TRIM27: variants seen among roughly 807,000 people sequenced by gnomAD.
TRIM27 encodes tripartite motif containing 27.
A neutral mutation model predicts 57.6 loss-of-function variants in TRIM27; 12 were observed. The ratio of observed to expected loss-of-function variants is 0.21; its 90% CI spans 0.13 to 0.34. The LOEUF is 0.34. Among genes scored for constraint, TRIM27 ranks in the 10% least tolerant of loss-of-function variants. The pLI is 1.00. For synonymous variants in TRIM27, 266 were observed against 259.0 expected (o/e 1.03, Z -0.26); for missense variants, 403 against 656.8 (o/e 0.61, Z 4.22).
chr6:28,918,561 A>T (rs910084606), intron 3 of TRIM27, among the ~76,000 whole-genome samples: 3 of 151,954 alleles, frequency 2.0e-5, no homozygotes, highest in African/African-American at 7.3e-5. Flanking sequence ...AAAGAAATAC[A>T]TTTTTCTGAT....
intron 1 of TRIM27, 72 bp from the exon 2 acceptor site, chr6:28,922,059 C>T (rs971489687): frequency 9.7e-6 from 11 of 1,136,412 alleles, no homozygotes; most frequent in Middle Eastern, 1.9e-4. Flanking sequence ...CTTCTTATCA[C>T]ACATGGAGTC....
In TRIM27 at chr6:28,904,013, G is replaced by T; in HGVS notation, c.*57C>A. 7.0e-7 allele frequency: 1 copy of T among 1,436,464 alleles called. No homozygotes were observed. The highest frequency in any genetic ancestry group is 9.6e-7 in the Non-Finnish European group (1 of 1,038,006). 89.0% of individuals were successfully genotyped at this position (1,436,464 alleles called of 1,614,324 possible). A position where few individuals can be genotyped will look rare whatever the true frequency, so the allele number is the denominator to read the frequency against. ...ACAGGACGTGGCAAGGCAACAAGATGCCTTGTGCCTGGCGTAGGATTACAG... is the reference window on the plus strand; with the variant it reads ...ACAGGACGTGGCAAGGCAACAAGATTCCTTGTGCCTGGCGTAGGATTACAG... On this transcript the variant is annotated 3_prime_UTR_variant, in exon 8 of 8. Transcript: ENST00000377199. This position sits in a 1 kb window ranked among gnomAD's most constrained non-coding sequence, Gnocchi z 6.1.
intron 2 of TRIM27, among the ~76,000 whole-genome samples, chr6:28,920,624 G>C (rs1773951215): frequency 6.6e-6 from 1 of 152,190 alleles, no homozygotes; most frequent in Admixed American, 6.5e-5. Flanking sequence ...TGAGCGGGAA[G>C]CCTTTCCAGG....
intron 2 of TRIM27, among the ~76,000 whole-genome samples, chr6:28,921,528 A>C (rs1774032910): frequency 6.6e-6 from 1 of 152,222 alleles, no homozygotes; most frequent in South Asian, 2.1e-4. Context: ...GAGAAGCAAC[A>C]GTGGGGATTA....
At chr6:28,915,677 C>T (rs910903843) in intron 3 of TRIM27, 8 of 152,164 alleles carry the variant, frequency 5.3e-5, no homozygotes, top group African/African-American at 1.9e-4. Flanking sequence ...CAAATGGGAA[C>T]CATGCACAGA....
intron 3 of TRIM27, among the ~76,000 whole-genome samples, chr6:28,917,896 G>A (rs981988446): frequency 6.6e-6 from 1 of 150,842 alleles, no homozygotes; most frequent in Non-Finnish European, 1.5e-5. Flanking sequence ...GCGCAATCTC[G>A]GCTCACTGCA....
chr6:28,904,271 G>C lies in TRIM27; in HGVS notation c.1341C>G (p.Val447=), dbSNP rs750122793. 1.2e-6 allele frequency: 2 copies of C among 1,613,136 alleles called. No homozygotes were observed. Among genetic ancestry groups the C allele is most frequent in the East Asian group, 4.5e-5 (2 of 44,876 alleles). ...ACCTCTCTGTCACGTTGTAGAAGGA[G>C]ACCTCACCAGCATCATAGTCCAAGA... is the stretch of plus-strand genomic sequence containing the variant. ...GIFLDYDAGE[V]SFYNVTERCH... is the part of the protein sequence containing the mutation. Residue 447 remains valine, a synonymous_variant, in exon 8 of 8, where the codon GTC becomes GTG. Coordinates refer to ENST00000377199, the MANE Select transcript of TRIM27 (RefSeq NM_006510.5). The surrounding 1 kb of genome is among the most constrained non-coding windows in gnomAD (Gnocchi z 6.1).
At position 28,903,634 on chromosome 6, in the gene TRIM27, G is replaced by A. The variant is rs148223759; in HGVS notation, c.*436C>T. On this transcript the variant is annotated 3_prime_UTR_variant, in exon 8 of 8. Coordinates refer to ENST00000377199, the MANE Select transcript of TRIM27 (RefSeq NM_006510.5). ...GGATAAAGGGAGCCATGCTGACAGG[G>A]CCTTATTCCAGTCTAGGTTGTTAGA... The A allele has an allele frequency of 1.4e-3, 337 of 249,254 alleles. 5 individuals are homozygous for A. Among genetic ancestry groups the A allele is most frequent in the African/African-American group, 6.9e-3 (316 of 45,858 alleles). 15.4% of individuals were successfully genotyped at this position (249,254 alleles called of 1,614,324 possible).
At chr6:28,912,104 TA>T (rs1310766740) in intron 3 of TRIM27, among the ~76,000 whole-genome samples, 2 of 149,474 alleles carry the variant, frequency 1.3e-5, no homozygotes, top group Non-Finnish European at 3.0e-5. Context: ...AACTCCAGTA[TA>T]CTTTTTTTTT....
chr6:28,914,643 G>T (rs963314154), intron 3 of TRIM27: 1 of 150,740 alleles, frequency 6.6e-6, no homozygotes, highest in Middle Eastern at 3.4e-3. Context: ...TGGGTACCTG[G>T]GTGATGGTTA....
At chr6:28,905,567 T>TA (rs1772708135) in intron 7 of TRIM27, 1 of 152,344 alleles carries the variant, frequency 6.6e-6, no homozygotes, top group African/African-American at 2.4e-5. Context: ...TACTTTTTTT[T>TA]ATTTTTTGAG....
chr6:28,903,246 A>T lies in TRIM27; in HGVS notation c.*824T>A, dbSNP rs1772518230. The T allele has an allele frequency of 4.3e-6, 1 of 233,134 alleles. No homozygotes were observed. Among genetic ancestry groups the T allele is most frequent in the Non-Finnish European group, 8.5e-6 (1 of 117,988 alleles). The allele number at this position is 233,134 out of a possible 1,614,324, so 14.4% of individuals were successfully genotyped here. A position where few individuals can be genotyped will look rare whatever the true frequency, so the allele number is the denominator to read the frequency against. On this transcript the variant is annotated 3_prime_UTR_variant, in exon 8 of 8. Transcript: ENST00000377199. ...AGCCAAGAAGTCAATGAATCCCTGG[A>T]ATATTGTCCCAGAATCCTTCCAGGG... is the stretch of plus-strand genomic sequence containing the variant.
intron 3 of TRIM27, among the ~76,000 whole-genome samples, chr6:28,916,431 A>G (rs1039429567): frequency 6.6e-6 from 1 of 152,066 alleles, no homozygotes; most frequent in African/African-American, 2.4e-5. Context: ...GCATGCCTGT[A>G]ATACCAACTA....
At chr6:28,910,129 A>AAAAAAAAAAAAAAAAAAAAAG (rs1562156758) in intron 4 of TRIM27, among the ~76,000 whole-genome samples, 1 of 58,508 alleles carries the variant, frequency 1.7e-5, no homozygotes, top group African/African-American at 1.4e-4. Context: ...AAATGAAAAA[A>AAAAAAAAAAAAAAAAAAAAAG]AAAAAAAAAA....
At chr6:28,905,384 A>T (rs72853516) in intron 7 of TRIM27, 1 of 152,264 alleles carries the variant, frequency 6.6e-6, no homozygotes, top group African/African-American at 2.4e-5. Context: ...TGAAGGATAA[A>T]GGCTCTAAAC....
At position 28,923,874 on chromosome 6, in the gene TRIM27, C is replaced by G; in HGVS notation, c.-242G>C. 2.0e-6 allele frequency: 1 copy of G among 506,546 alleles called. No individual in the cohort carries two copies. Among genetic ancestry groups the G allele is most frequent in the Non-Finnish European group, 3.4e-6 (1 of 290,446 alleles). 31.4% of individuals were successfully genotyped at this position (506,546 alleles called of 1,614,324 possible). A position where few individuals can be genotyped will look rare whatever the true frequency, so the allele number is the denominator to read the frequency against. Reference sequence around the variant, plus strand: ...AATACGGCCGGCTCACCGAGGCTCGCGGCCACGCTAGTGGGGCAGGAAAGG... The same window carrying G: ...AATACGGCCGGCTCACCGAGGCTCGGGGCCACGCTAGTGGGGCAGGAAAGG... On this transcript the variant is annotated 5_prime_UTR_variant, in exon 1 of 8. Coordinates refer to ENST00000377199, the MANE Select transcript of TRIM27 (RefSeq NM_006510.5).
rs909282888 is a variant in TRIM27 at position 28,903,757 on chromosome 6, T to C, written c.*313A>G. 2.6e-6 allele frequency: 1 copy of C among 379,202 alleles called. No homozygotes were observed. The highest frequency in any genetic ancestry group is 4.7e-6 in the Non-Finnish European group (1 of 210,716). 23.5% of individuals were successfully genotyped at this position (379,202 alleles called of 1,614,324 possible). On this transcript the variant is annotated 3_prime_UTR_variant, in exon 8 of 8. Transcript: ENST00000377199. Reference sequence around the variant, plus strand: ...CTGAGCCAAGAAGCTGGAAGTATCTTGAACGGCTCTCCAAATCCAAAGATT... The same window carrying C: ...CTGAGCCAAGAAGCTGGAAGTATCTCGAACGGCTCTCCAAATCCAAAGATT...
In TRIM27 at chr6:28,922,003, C is replaced by T. The variant is rs1312480087; in HGVS notation, c.421-16G>A. ...GGATTTGCTCCTGAGAAAAGCAAAA[C>T]AGATGGGCAGTTCAAAATTAGGTAG... is the stretch of plus-strand genomic sequence containing the variant. On this transcript the variant is annotated splice_polypyrimidine_tract_variant and intron_variant, in intron 1 of 7. Transcript: ENST00000377199. 7 of 1,590,736 alleles carry T rather than the reference C, an allele frequency of 4.4e-6. No homozygotes were observed. Among genetic ancestry groups the T allele is most frequent in the Non-Finnish European group, 3.4e-6 (4 of 1,159,700 alleles).
rs1457073363 is a variant in TRIM27, at chr6:28,904,324, G to A, written c.1288C>T (p.Arg430Trp). The A allele has an allele frequency of 2.5e-6, 4 of 1,612,942 alleles. No homozygotes were observed. The highest frequency in any genetic ancestry group is 2.5e-6 in the Non-Finnish European group (3 of 1,180,018). ...ATCCCCACCCGCTGGAGCGGGGTCC[G>A]CAGGGGTAGGGCAGTCATTGGGGAG... Reference protein sequence around the residue: ...LTSPMTALPLRTPLQRVGIFL... With the variant: ...LTSPMTALPLWTPLQRVGIFL... Residue 430 changes from arginine (R) to tryptophan (W), a missense_variant, in exon 8 of 8, where the codon CGG (arginine) becomes TGG (tryptophan). Coordinates refer to ENST00000377199, the MANE Select transcript of TRIM27 (RefSeq NM_006510.5). This position sits in a 1 kb window ranked among gnomAD's most constrained non-coding sequence, Gnocchi z 6.1.
Sources: allele counts gnomAD v4.1 joint callset (sites outside exome capture counted in the v4.1 genomes callset), GRCh38; gene constraint gnomAD v4.1.1; non-coding constraint Gnocchi (gnomAD v3.1); transcripts MANE v1.5; gene names NCBI Gene and HGNC (gene_info 2026-07-23, HGNC 2026-07-21).